The following GREM2 variants were observed in gnomAD, a reference collection of about 807,000 sequenced individuals.
GREM2 encodes the protein gremlin 2, DAN family BMP antagonist.
A neutral mutation model predicts 14.2 loss-of-function variants in GREM2; 11 were observed. The observed-to-expected ratio is 0.78, with a 90% CI of 0.49 to 1.28. The LOEUF (loss-of-function observed/expected upper bound fraction) is 1.28. Ranked by LOEUF, GREM2 falls within the 50% of genes most tolerant of loss-of-function variation. The pLI, the probability that GREM2 is intolerant of heterozygous loss-of-function variation, is 0.00. For missense variants in GREM2, 210 were observed against 218.5 expected, an observed-to-expected ratio of 0.96 and a Z score of 0.24; for synonymous variants, 98 against 97.6, an observed-to-expected ratio of 1.00 and a Z score of -0.02.
chr1:240,574,212 A>G (rs2103368342), intron 1 of GREM2, among the ~76,000 whole-genome samples: 1 of 152,152 alleles, frequency 6.6e-6, no homozygotes, highest in African/African-American at 2.4e-5. Context: ...GAGCCACTGC[A>G]CCCAGCCTGA....
intron 1 of GREM2, among the ~76,000 whole-genome samples, chr1:240,584,620 G>A (rs1679555821): frequency 2.6e-5 from 4 of 152,198 alleles, no homozygotes; most frequent in Admixed American, 2.6e-4. Flanking sequence ...TGGAGAAGGA[G>A]GATTGCTTGA....
At chr1:240,602,772 G>A (rs562152615) in intron 1 of GREM2, among the ~76,000 whole-genome samples, 8 of 149,764 alleles carry the variant, frequency 5.3e-5, no homozygotes, top group East Asian at 4.0e-4. Context: ...CTGAGATCCC[G>A]CCACTGCACT....
At chr1:240,500,621 A>G (rs1207875487) in intron 1 of GREM2, among the ~76,000 whole-genome samples, 1 of 152,286 alleles carries the variant, frequency 6.6e-6, no homozygotes, top group Non-Finnish European at 1.5e-5. Flanking sequence ...CTTTACATAA[A>G]TTATATCACA....
chr1:240,503,166 C>T (rs1046815024), intron 1 of GREM2, among the ~76,000 whole-genome samples: 23 of 152,160 alleles, frequency 1.5e-4, no homozygotes, highest in African/African-American at 5.6e-4. Context: ...TACTCAGCAG[C>T]CCTGGAACTG....
intron 1 of GREM2, among the ~76,000 whole-genome samples, chr1:240,534,150 G>A (rs1312350394): frequency 6.6e-6 from 1 of 152,170 alleles, no homozygotes; most frequent in Non-Finnish European, 1.5e-5. Context: ...TGAAGAAAGT[G>A]CAGATGATGG....
chr1:240,581,137 C>A (rs1361498864), intron 1 of GREM2, among the ~76,000 whole-genome samples: 1 of 151,766 alleles, frequency 6.6e-6, no homozygotes, highest in Non-Finnish European at 1.5e-5. Context: ...GTAGTCCCAG[C>A]TACTTGGGAG....
intron 1 of GREM2, among the ~76,000 whole-genome samples, chr1:240,520,004 C>T (rs1246619086): frequency 1.3e-5 from 2 of 151,940 alleles, no homozygotes; most frequent in Non-Finnish European, 2.9e-5. Context: ...CGCTTGAACC[C>T]GAGAGACGGA....
At chr1:240,593,138 C>A (rs896306980) in intron 1 of GREM2, among the ~76,000 whole-genome samples, 9 of 151,888 alleles carry the variant, frequency 5.9e-5, no homozygotes, top group Non-Finnish European at 1.5e-5. Context: ...GAGTGAAACT[C>A]CATCTCAAGA....
chr1:240,607,219 C>T (rs914489753), intron 1 of GREM2, among the ~76,000 whole-genome samples: 35 of 152,130 alleles, frequency 2.3e-4, no homozygotes, highest in African/African-American at 7.2e-4. Context: ...GAGCCACTTC[C>T]GCCTTCTCAT....
intron 1 of GREM2, among the ~76,000 whole-genome samples, chr1:240,534,460 C>T (rs534022260): frequency 1.3e-5 from 2 of 152,072 alleles, no homozygotes; most frequent in South Asian, 2.1e-4. Flanking sequence ...GAGGCTGAGG[C>T]GGGCAGATCA....
At chr1:240,537,314 A>T (rs111239355) in intron 1 of GREM2, among the ~76,000 whole-genome samples, 1,925 of 152,296 alleles carry the variant, frequency 0.013, 39 homozygotes, top group African/African-American at 0.043. Flanking sequence ...AAAGAGAAAA[A>T]TATAGTTAGT....
intron 1 of GREM2, among the ~76,000 whole-genome samples, 177 bp downstream of exon 1, chr1:240,611,707 C>T (rs536503790): frequency 6.6e-6 from 1 of 152,292 alleles, no homozygotes; most frequent in Non-Finnish European, 1.5e-5. Context: ...AACCTTGTGG[C>T]CCCCAGACAC....
At chr1:240,554,866 G>T (rs1490640057) in intron 1 of GREM2, among the ~76,000 whole-genome samples, 1 of 152,256 alleles carries the variant, frequency 6.6e-6, no homozygotes, top group African/African-American at 2.4e-5. Context: ...AATTGTGGGT[G>T]GGTGCGGTGG....
At chr1:240,559,651 C>G (rs752443850) in intron 1 of GREM2, among the ~76,000 whole-genome samples, 7 of 152,032 alleles carry the variant, frequency 4.6e-5, no homozygotes, top group Non-Finnish European at 8.8e-5. Flanking sequence ...GCCAAAAAGT[C>G]TTTAAGTATT....
chr1:240,541,474 T>G (rs1678586786), intron 1 of GREM2, among the ~76,000 whole-genome samples: 1 of 152,230 alleles, frequency 6.6e-6, no homozygotes, highest in African/African-American at 2.4e-5. Flanking sequence ...TTAACTACGT[T>G]ACATTTTCTC....
intron 1 of GREM2, among the ~76,000 whole-genome samples, chr1:240,528,591 C>T (rs1174853685): frequency 6.6e-6 from 1 of 152,100 alleles, no homozygotes; most frequent in East Asian, 1.9e-4. Context: ...CAACTGCAAT[C>T]GAATTATGTA....
intron 1 of GREM2, among the ~76,000 whole-genome samples, chr1:240,528,084 A>C (rs986382164): frequency 6.6e-6 from 1 of 152,228 alleles, no homozygotes; most frequent in African/African-American, 2.4e-5. Context: ...CACTGTGCTG[A>C]CATCTTGACA....
At chr1:240,509,812 C>T (rs61832589) in intron 1 of GREM2, among the ~76,000 whole-genome samples, 20,697 of 152,070 alleles carry the variant, frequency 0.14, 1,489 homozygotes, top group East Asian at 0.21. Flanking sequence ...GTAGAAGGGG[C>T]CATAGAAGGA....
intron 1 of GREM2, among the ~76,000 whole-genome samples, chr1:240,604,018 C>T (rs926354150): frequency 1.3e-5 from 2 of 151,148 alleles, no homozygotes; most frequent in Non-Finnish European, 2.9e-5. Context: ...CTTCCACTCA[C>T]GGCGAGGGGT....
Sources: allele counts gnomAD v4.1 joint callset (sites outside exome capture counted in the v4.1 genomes callset), GRCh38; gene constraint gnomAD v4.1.1; transcripts MANE v1.5; gene names NCBI Gene and HGNC (gene_info 2026-07-23, HGNC 2026-07-21).